PTPRD: variants seen among roughly 807,000 people sequenced by gnomAD.
PTPRD encodes the protein receptor-type tyrosine-protein phosphatase delta.
In PTPRD, 34 loss-of-function variants were observed where a neutral mutation model predicts 214.5. The ratio of observed to expected loss-of-function variants is 0.16; its 90% confidence interval spans 0.12 to 0.21. PTPRD has a LOEUF of 0.21. Among genes scored for constraint, PTPRD ranks in the 10% least tolerant of loss-of-function variants. The pLI is 1.00. For synonymous variants in PTPRD, 1,128 were observed against 845.7 expected, an observed-to-expected ratio of 1.33 and a Z score of -5.79; for missense variants, 2,545 against 2,398.7, an observed-to-expected ratio of 1.06 and a Z score of -1.27.
chr9:10,522,827 GA>G (rs2052800013), intron 2 of PTPRD, among the ~76,000 whole-genome samples: 1 of 151,778 alleles, frequency 6.6e-6, no homozygotes. Context: ...TAAAAAAGTT[GA>G]AAATAAAAAA....
At chr9:8,485,682 G>C (rs556509943) in intron 28 of PTPRD, 80 bp downstream of exon 28, 2 of 1,273,462 alleles carry the variant, frequency 1.6e-6, no homozygotes, top group East Asian at 4.8e-5. Context: ...GGGCTGATCA[G>C]TTATTATAGC....
chr9:9,164,080 C>T (rs2099896342), intron 10 of PTPRD, among the ~76,000 whole-genome samples: 1 of 152,106 alleles, frequency 6.6e-6, no homozygotes, highest in African/African-American at 2.4e-5. Context: ...ATATTAGTTT[C>T]CTATTTCTTC....
At chr9:10,289,104 C>T (rs10511540) in intron 3 of PTPRD, among the ~76,000 whole-genome samples, 10,543 of 151,572 alleles carry the variant, frequency 0.07, 538 homozygotes, top group East Asian at 0.15. Flanking sequence ...TAATGAAAAG[C>T]CTTCCAGGAT....
At chr9:9,158,600 G>A (rs896126247) in intron 10 of PTPRD, among the ~76,000 whole-genome samples, 40 of 151,602 alleles carry the variant, frequency 2.6e-4, no homozygotes, top group Admixed American at 7.2e-4. Context: ...ACTCCATCTC[G>A]AAAATAAATA....
chr9:10,037,679 C>A (rs1239656207), intron 3 of PTPRD, among the ~76,000 whole-genome samples: 1 of 151,302 alleles, frequency 6.6e-6, no homozygotes, highest in Non-Finnish European at 1.5e-5. Flanking sequence ...TGGGAATTGA[C>A]TACTAATATT....
At chr9:8,943,192 A>C (rs1168305834) in intron 11 of PTPRD, among the ~76,000 whole-genome samples, 2 of 152,116 alleles carry the variant, frequency 1.3e-5, no homozygotes, top group African/African-American at 4.8e-5. Flanking sequence ...ATGTTGTTAA[A>C]ATGTCCATAC....
chr9:10,562,298 G>T (rs2064196226), intron 2 of PTPRD, among the ~76,000 whole-genome samples: 1 of 150,120 alleles, frequency 6.7e-6, no homozygotes. Flanking sequence ...GTAATGGAGG[G>T]TTTCTTATAA....
chr9:8,847,478 G>T (rs1276195318), intron 11 of PTPRD, among the ~76,000 whole-genome samples: 1 of 152,126 alleles, frequency 6.6e-6, no homozygotes, highest in Non-Finnish European at 1.5e-5. Context: ...GTGTATGCAT[G>T]TGAGAAGCAT....
chr9:10,155,195 T>A (rs1473015703), intron 3 of PTPRD, among the ~76,000 whole-genome samples: 2 of 152,146 alleles, frequency 1.3e-5, no homozygotes, highest in Admixed American at 1.3e-4. Context: ...GGTATTTTAC[T>A]CTTTTTGTGG....
intron 3 of PTPRD, among the ~76,000 whole-genome samples, chr9:10,050,216 A>G (rs1377021147): frequency 6.6e-6 from 1 of 151,910 alleles, no homozygotes; most frequent in African/African-American, 2.4e-5. Context: ...CAGGGGCAGT[A>G]GGTGGGGATG....
At chr9:9,778,212 A>G (rs1389070011) in intron 5 of PTPRD, among the ~76,000 whole-genome samples, 2 of 152,228 alleles carry the variant, frequency 1.3e-5, no homozygotes, top group Non-Finnish European at 2.9e-5. Flanking sequence ...CCTGCACAGC[A>G]TAAGGGAATG....
chr9:9,301,521 G>C (rs1283452486), intron 9 of PTPRD, among the ~76,000 whole-genome samples: 1 of 151,826 alleles, frequency 6.6e-6, no homozygotes, highest in Non-Finnish European at 1.5e-5. Context: ...ACTGCATCAA[G>C]CTACTAATTC....
At chr9:10,346,105 G>A (rs2097076142) in intron 2 of PTPRD, among the ~76,000 whole-genome samples, 1 of 152,230 alleles carries the variant, frequency 6.6e-6, no homozygotes, top group East Asian at 1.9e-4. Flanking sequence ...AACAGTACAA[G>A]CAGTGATAGT....
At chr9:9,943,150 T>G (rs1366341947) in intron 4 of PTPRD, among the ~76,000 whole-genome samples, 1 of 152,158 alleles carries the variant, frequency 6.6e-6, no homozygotes, top group Non-Finnish European at 1.5e-5. Flanking sequence ...GAAGACATAT[T>G]AGATCTGTTT....
chr9:8,831,249 C>A (rs765961716), intron 11 of PTPRD, among the ~76,000 whole-genome samples: 4 of 152,186 alleles, frequency 2.6e-5, no homozygotes, highest in Admixed American at 2.6e-4. Flanking sequence ...CAGACATTCT[C>A]TTTTCTGATG....
Position 9,929,873 on chromosome 9 carries a change from C to G in PTPRD, c.-368+8634G>C, listed in dbSNP as rs1263797816. On this transcript the variant is annotated intron_variant, in intron 5 of 45. Coordinates refer to ENST00000381196, the MANE Select transcript of PTPRD (RefSeq NM_002839.4). ...AATATGAGTTATTTTGAAATTACAG[C>G]TGGTCTGTTTTCTTTTGCCATAGTA... Among the ~76,000 whole-genome samples, 5 of 152,182 alleles carry G rather than the reference C, an allele frequency of 3.3e-5. No homozygotes were observed. In the South Asian group the frequency reaches 1.0e-3, roughly 31 times the overall value.
At chr9:10,172,887 C>A (rs976663282) in intron 3 of PTPRD, among the ~76,000 whole-genome samples, 3 of 152,020 alleles carry the variant, frequency 2.0e-5, no homozygotes, top group East Asian at 1.9e-4. Flanking sequence ...GATGGATGAA[C>A]CTTACAGAGG....
chr9:9,986,157 C>T (rs114977737), intron 4 of PTPRD, among the ~76,000 whole-genome samples: 2,024 of 152,202 alleles, frequency 0.013, 46 homozygotes, highest in African/African-American at 0.045. Flanking sequence ...TTTTACACTG[C>T]TGAGATATAA....
intron 5 of PTPRD, among the ~76,000 whole-genome samples, chr9:9,814,308 G>GA (rs34297202): frequency 0.34 from 48,122 of 142,438 alleles, 10,052 homozygotes; most frequent in East Asian, 0.81. Context: ...AGGTAAGAAA[G>GA]AAAAAAAAAA....
Sources: allele counts gnomAD v4.1 joint callset (sites outside exome capture counted in the v4.1 genomes callset), GRCh38; gene constraint gnomAD v4.1.1; transcripts MANE v1.5; gene names NCBI Gene and HGNC (gene_info 2026-07-23, HGNC 2026-07-21).